LRRC26: variants seen among roughly 807,000 people sequenced by gnomAD.
LRRC26 encodes the protein leucine-rich repeat-containing protein 26.
In LRRC26, 17 loss-of-function variants were observed where a neutral mutation model predicts 15.3. The ratio of observed to expected loss-of-function variants is 1.11; its 90% CI spans 0.76 to 1.66. The LOEUF (loss-of-function observed/expected upper bound fraction) is 1.66, where lower values mean the gene tolerates loss of function less well. Ranked by LOEUF, LRRC26 falls within the 40% of genes most tolerant of loss-of-function variation. The pLI is 0.00. For missense variants in LRRC26, 573 were observed against 501.0 expected (o/e 1.14, Z -1.37); for synonymous variants, 301 against 272.1 (o/e 1.11, Z -1.05).
At position 137,169,120 on chromosome 9, in the gene LRRC26, C is replaced by A; in HGVS notation, c.739G>T (p.Asp247Tyr). The A allele has an allele frequency of 6.4e-7, 1 of 1,560,462 alleles. No homozygotes were observed. Residue 247 changes from aspartate (D) to tyrosine (Y), a missense_variant, in exon 2 of 2, where the codon GAC becomes TAC. Coordinates refer to ENST00000371542, the MANE Select transcript of LRRC26 (RefSeq NM_001013653.3). ...TGCGCGCAATGGCTAAAGGCGGCGT[C>A]GGAAAAGGCAGTCAGGGGGCTGAGC... ...LTLSPLTAFS[D>Y]AAFSHCAQPL...
At position 137,169,913 on chromosome 9, in the gene LRRC26, GC is replaced by G; in HGVS notation, c.30del (p.Pro11ArgfsTer59). The G allele has an allele frequency of 6.8e-7, 1 of 1,471,118 alleles. No homozygotes were observed. Among genetic ancestry groups the G allele is most frequent in the Non-Finnish European group, 8.9e-7 (1 of 1,120,942 alleles). 91.1% of individuals were successfully genotyped at this position (1,471,118 alleles called of 1,614,324 possible). A position where few individuals can be genotyped will look rare whatever the true frequency, so the allele number is the denominator to read the frequency against. ...AGCAGCAGCAACAGCAGCAGCAGCG[GC>G]CGAGGCCGCGACCAGGAAGGGCCCC... MRGPSWSRP[R>X]PLLLLLLLLS... On this transcript the variant is annotated frameshift_variant, in exon 1 of 2. Transcript: ENST00000371542. LOFTEE classifies it high-confidence loss of function.
In LRRC26 at chr9:137,169,111, A is replaced by T. The variant is rs1346671102; in HGVS notation, c.748T>A (p.Phe250Ile). The T allele has an allele frequency of 2.5e-5, 39 of 1,561,946 alleles. No individual in the cohort carries two copies. The highest frequency in any genetic ancestry group is 3.3e-5 in the Non-Finnish European group (38 of 1,160,512). Residue 250 changes from phenylalanine (F) to isoleucine (I), a missense_variant, in exon 2 of 2, where the codon TTT becomes ATT. Transcript: ENST00000371542. ...SPLTAFSDAA[F>I]SHCAQPLALR... ...GCGAGCGGCTGCGCGCAATGGCTAA[A>T]GGCGGCGTCGGAAAAGGCAGTCAGG...
rs776886155 is a variant in LRRC26, at chr9:137,168,960, G to A, written c.899C>T (p.Ala300Val). ...CRARRRRLRT[A>V]ALRPPRPPDP... ...TGGCGGTCTCGGCGGGCGGAGGGCG[G>A]CGGTGCGGAGGCGGCGGCGGCGCGC... The change falls in exon 2 of 2, where the codon GCC (alanine) becomes GTC (valine). Residue 300 changes from alanine to valine, a missense_variant. Coordinates refer to ENST00000371542, the MANE Select transcript of LRRC26 (RefSeq NM_001013653.3). The A allele has an allele frequency of 9.3e-6, 13 of 1,403,508 alleles. No individual in the cohort carries two copies. Among genetic ancestry groups the A allele is most frequent in the South Asian group, 1.6e-5 (1 of 64,394 alleles). 86.9% of individuals were successfully genotyped at this position (1,403,508 alleles called of 1,614,324 possible).
chr9:137,169,026 G>A lies in LRRC26; in HGVS notation c.833C>T (p.Ala278Val). The A allele has an allele frequency of 6.6e-7, 1 of 1,520,226 alleles. No homozygotes were observed. The highest frequency in any genetic ancestry group is 8.8e-7 in the Non-Finnish European group (1 of 1,140,924). The allele number at this position is 1,520,226 out of a possible 1,614,324, so 94.2% of individuals were successfully genotyped here. ...LGPASFLVSLASCLALGSGLT... is the reference protein window; with the variant it reads ...LGPASFLVSLVSCLALGSGLT... ...CCCAGAGCCCAGCGCCAGGCAGGAAGCCAGGCTGACGAGGAAGGAGGCCGG... is the reference window on the plus strand; with the variant it reads ...CCCAGAGCCCAGCGCCAGGCAGGAAACCAGGCTGACGAGGAAGGAGGCCGG... Residue 278 changes from alanine (A) to valine (V), a missense_variant, in exon 2 of 2, where the codon GCT becomes GTT. Coordinates refer to ENST00000371542, the MANE Select transcript of LRRC26 (RefSeq NM_001013653.3).
chr9:137,169,441 A>T lies in LRRC26; in HGVS notation c.503T>A (p.Leu168Gln). ...GTCCTGCAGGCTGAGTGAGCGCAGC[A>T]GCGGGAGCGCGCCTAGCGCCGCGGG... is the stretch of plus-strand genomic sequence containing the variant. ...LEPAALGALP[L>Q]LRSLSLQDNE... Residue 168 changes from leucine (L) to glutamine (Q), a missense_variant, in exon 1 of 2, where the codon CTG becomes CAG. Transcript: ENST00000371542. 1 of 1,516,488 alleles carries T rather than the reference A, an allele frequency of 6.6e-7. No homozygotes were observed. Among genetic ancestry groups the T allele is most frequent in the Non-Finnish European group, 8.8e-7 (1 of 1,141,380 alleles). The allele number at this position is 1,516,488 out of a possible 1,614,324, so 93.9% of individuals were successfully genotyped here. A position where few individuals can be genotyped will look rare whatever the true frequency, so the allele number is the denominator to read the frequency against.
In LRRC26 at chr9:137,169,526, C is replaced by G. The variant is rs1234850382; in HGVS notation, c.418G>C (p.Ala140Pro). 1 of 1,523,812 alleles carries G rather than the reference C, an allele frequency of 6.6e-7. No individual in the cohort carries two copies. Among genetic ancestry groups the G allele is most frequent in the African/African-American group, 1.4e-5 (1 of 70,480 alleles). 94.4% of individuals were successfully genotyped at this position (1,523,812 alleles called of 1,614,324 possible). The change falls in exon 1 of 2, where the codon GCG (alanine) becomes CCG (proline). Residue 140 changes from alanine (A) to proline (P), a missense_variant. Physicochemically the swap from Ala to Pro is conservative, Grantham distance 27 (BLOSUM62 -1). Coordinates refer to ENST00000371542, the MANE Select transcript of LRRC26 (RefSeq NM_001013653.3). ...AGGTTGCGCAGCGCGCGCAGCGGCG[C>G]GAAAGTCCCTGGTGCCAGTGCTTCC... ...QLEALAPGTF[A>P]PLRALRNLSL...
In LRRC26 at chr9:137,169,466, G is replaced by A. The variant is rs1269886518; in HGVS notation, c.478C>T (p.Pro160Ser). Residue 160 changes from proline to serine, a missense_variant, in exon 1 of 2, where the codon CCC (proline) becomes TCC (serine). By Grantham distance (74) the Pro-to-Ser change is moderately conservative (BLOSUM62 -1). Transcript: ENST00000371542. ...LAGNRLARLE[P>S]AALGALPLLR... ...AGCGGGAGCGCGCCTAGCGCCGCGGGCTCCAGGCGCGCCAGCCGGTTGCCG... is the reference window on the plus strand; with the variant it reads ...AGCGGGAGCGCGCCTAGCGCCGCGGACTCCAGGCGCGCCAGCCGGTTGCCG... The A allele has an allele frequency of 1.3e-6, 2 of 1,519,784 alleles. No individual in the cohort carries two copies. Among genetic ancestry groups the A allele is most frequent in the Admixed American group, 2.0e-5 (1 of 49,992 alleles). 94.1% of individuals were successfully genotyped at this position (1,519,784 alleles called of 1,614,324 possible). A position where few individuals can be genotyped will look rare whatever the true frequency, so the allele number is the denominator to read the frequency against.
Position 137,170,021 on chromosome 9 carries a change from A to AGCCCGTTCCTGCGGC in LRRC26, c.-93_-79dup, listed in dbSNP as rs1588750383. 4 of 1,347,892 alleles carry AGCCCGTTCCTGCGGC rather than the reference A, an allele frequency of 3.0e-6. No individual in the cohort carries two copies. In the East Asian group the frequency reaches 1.3e-4, roughly 42 times the overall value. 83.5% of individuals were successfully genotyped at this position (1,347,892 alleles called of 1,614,324 possible). A position where few individuals can be genotyped will look rare whatever the true frequency, so the allele number is the denominator to read the frequency against. On this transcript the variant is annotated 5_prime_UTR_variant, in exon 1 of 2. Transcript: ENST00000371542. ...CGTCCCTGGAGCCCGTCGTCCGCGG[A>AGCCCGTTCCTGCGGC]GCCCGTTCCTGCGGCGCCTGCACAA...
Position 137,169,151 on chromosome 9 carries a change from G to T in LRRC26, c.708C>A (p.Arg236=), listed in dbSNP as rs527785852. ...AGGCAGTCAGGGGGCTGAGCGTCAG[G>T]CGTCCCGGCCACACGCAGAGCACCG... ...AETVLCVWPG[R]LTLSPLTAFS... The change falls in exon 2 of 2, where the codon CGC becomes CGA. Residue 236 remains arginine, a synonymous_variant. Transcript: ENST00000371542. 6.5e-7 allele frequency: 1 copy of T among 1,537,404 alleles called. No homozygotes were observed. The highest frequency in any genetic ancestry group is 1.2e-5 in the South Asian group (1 of 83,642).
At position 137,169,317 on chromosome 9, in the gene LRRC26, C is replaced by T. The variant is rs1227071063; in HGVS notation, c.627G>A (p.Leu209=). 2.1e-6 allele frequency: 3 copies of T among 1,428,786 alleles called. No homozygotes were observed. Among genetic ancestry groups the T allele is most frequent in the Non-Finnish European group, 2.7e-6 (3 of 1,098,770 alleles). The allele number at this position is 1,428,786 out of a possible 1,614,324, so 88.5% of individuals were successfully genotyped here. A position where few individuals can be genotyped will look rare whatever the true frequency, so the allele number is the denominator to read the frequency against. ...RGNPWGCGCA[L]RPLCAWLRRH... ...GGCGCAGCCAGGCGCAGAGCGGGCG[C>T]AGCGCGCACCCGCAGCCCCAAGGGT... The change falls in exon 1 of 2, where the codon CTG becomes CTA. Residue 209 remains leucine, a synonymous_variant. Transcript: ENST00000371542.
Position 137,169,311 on chromosome 9 carries a change from C to G in LRRC26, c.633G>C (p.Pro211=), listed in dbSNP as rs779151224. 4 of 1,421,844 alleles carry G rather than the reference C, an allele frequency of 2.8e-6. No homozygotes were observed. The South Asian group carries it at 4.3e-5, about 15-fold the overall frequency. 88.1% of individuals were successfully genotyped at this position (1,421,844 alleles called of 1,614,324 possible). A position where few individuals can be genotyped will look rare whatever the true frequency, so the allele number is the denominator to read the frequency against. ...NPWGCGCALR[P]LCAWLRRHPL... is the part of the protein sequence containing the mutation. ...GGTGCCGGCGCAGCCAGGCGCAGAG[C>G]GGGCGCAGCGCGCACCCGCAGCCCC... Residue 211 remains proline (P), a synonymous_variant, in exon 1 of 2, where the codon CCG becomes CCC. Transcript: ENST00000371542.
chr9:137,169,305 G>GT lies in LRRC26; in HGVS notation c.638_639insA (p.Cys213Ter), dbSNP rs1288012681. 1 of 1,417,154 alleles carries GT rather than the reference G, an allele frequency of 7.1e-7. No homozygotes were observed. Among genetic ancestry groups the GT allele is most frequent in the East Asian group, 3.1e-5 (1 of 32,690 alleles). 87.8% of individuals were successfully genotyped at this position (1,417,154 alleles called of 1,614,324 possible). Reference protein sequence around the residue: ...WGCGCALRPLCAWLRRHPLPA... With the variant: ...WGCGCALRPL ...GCAGCGGGTGCCGGCGCAGCCAGGCGCAGAGCGGGCGCAGCGCGCACCCGC... is the reference window on the plus strand; with the variant it reads ...GCAGCGGGTGCCGGCGCAGCCAGGCGTCAGAGCGGGCGCAGCGCGCACCCGC... Residue 213 changes from cysteine to a stop codon, truncating the protein, a stop_gained and frameshift_variant, in exon 1 of 2, where the codon TGC becomes TGAC. Transcript: ENST00000371542. LOFTEE classifies it low-confidence loss of function (END_TRUNC).
Position 137,169,563 on chromosome 9 carries a change from G to A in LRRC26, c.381C>T (p.Ser127=), listed in dbSNP as rs541709447. 50 of 1,524,496 alleles carry A rather than the reference G, an allele frequency of 3.3e-5. No homozygotes were observed. The Admixed American group carries it at 7.6e-4, about 23-fold the overall frequency. 94.4% of individuals were successfully genotyped at this position (1,524,496 alleles called of 1,614,324 possible). ...GTGCCAGTGCTTCCAGCTGGTTGGCGCTCAGGTCCAGCAGCTGCAGCGCGC... is the reference window on the plus strand; with the variant it reads ...GTGCCAGTGCTTCCAGCTGGTTGGCACTCAGGTCCAGCAGCTGCAGCGCGC... The part of the protein sequence containing the change: ...GLGALQLLDL[S]ANQLEALAPG... Residue 127 remains serine (S), a synonymous_variant, in exon 1 of 2, where the codon AGC becomes AGT. Transcript: ENST00000371542.
In LRRC26 at chr9:137,168,917, G is replaced by T; in HGVS notation, c.942C>A (p.Pro314=). 7.5e-7 allele frequency: 1 copy of T among 1,333,732 alleles called. No individual in the cohort carries two copies. Among genetic ancestry groups the T allele is most frequent in the Non-Finnish European group, 9.5e-7 (1 of 1,049,030 alleles). The allele number at this position is 1,333,732 out of a possible 1,614,324, so 82.6% of individuals were successfully genotyped here. A position where few individuals can be genotyped will look rare whatever the true frequency, so the allele number is the denominator to read the frequency against. ...PPRPPDPNPD[P]DPHGCASPAD... Reference sequence around the variant, plus strand: ...CGGGCGAGGCACAGCCGTGGGGGTCGGGATCGGGGTTCGGGTCTGGCGGTC... The same window carrying T: ...CGGGCGAGGCACAGCCGTGGGGGTCTGGATCGGGGTTCGGGTCTGGCGGTC... Residue 314 remains proline (P), a synonymous_variant, in exon 2 of 2, where the codon CCC becomes CCA. Transcript: ENST00000371542.
Position 137,169,082 on chromosome 9 carries a change from C to T in LRRC26, c.777G>A (p.Leu259=), listed in dbSNP as rs768074159. The change falls in exon 2 of 2, where the codon CTG becomes CTA. Residue 259 remains leucine, a synonymous_variant. Transcript: ENST00000371542. ...AFSHCAQPLA[L]RDLAVVYTLG... ...GCGTGTAAACCACGGCCAGGTCCCGCAGGGCGAGCGGCTGCGCGCAATGGC... is the reference window on the plus strand; with the variant it reads ...GCGTGTAAACCACGGCCAGGTCCCGTAGGGCGAGCGGCTGCGCGCAATGGC... 9.6e-6 allele frequency: 15 copies of T among 1,559,772 alleles called. No individual in the cohort carries two copies. In the South Asian group the frequency reaches 1.6e-4, roughly 17 times the overall value.
chr9:137,170,013 G>C lies in LRRC26; in HGVS notation c.-70C>G. On this transcript the variant is annotated 5_prime_UTR_variant, in exon 1 of 2. Transcript: ENST00000371542. ...TGCCTGTGCGTCCCTGGAGCCCGTC[G>C]TCCGCGGAGCCCGTTCCTGCGGCGC... 7.4e-7 allele frequency: 1 copy of C among 1,358,018 alleles called. No individual in the cohort carries two copies. Among genetic ancestry groups the C allele is most frequent in the South Asian group, 1.7e-5 (1 of 57,822 alleles). 84.1% of individuals were successfully genotyped at this position (1,358,018 alleles called of 1,614,324 possible). A position where few individuals can be genotyped will look rare whatever the true frequency, so the allele number is the denominator to read the frequency against.
In LRRC26 at chr9:137,169,953, C is replaced by G. The variant is rs754541883; in HGVS notation, c.-10G>C. On this transcript the variant is annotated 5_prime_UTR_variant, in exon 1 of 2. Coordinates refer to ENST00000371542, the MANE Select transcript of LRRC26 (RefSeq NM_001013653.3). ...AGGAAGGGCCCCGCATGGGGGCAGC[C>G]CCCCCGCCCCCGGCACCCGCGGTGG... is the stretch of plus-strand genomic sequence containing the variant. 3 of 1,406,592 alleles carry G rather than the reference C, an allele frequency of 2.1e-6. No homozygotes were observed. Among genetic ancestry groups the G allele is most frequent in the South Asian group, 3.1e-5 (2 of 65,166 alleles). The allele number at this position is 1,406,592 out of a possible 1,614,324, so 87.1% of individuals were successfully genotyped here.
Position 137,169,575 on chromosome 9 carries a change from C to G in LRRC26, c.369G>C (p.Leu123=). 1 of 1,523,354 alleles carries G rather than the reference C, an allele frequency of 6.6e-7. No individual in the cohort carries two copies. The highest frequency in any genetic ancestry group is 1.2e-5 in the South Asian group (1 of 82,166). 94.4% of individuals were successfully genotyped at this position (1,523,354 alleles called of 1,614,324 possible). A position where few individuals can be genotyped will look rare whatever the true frequency, so the allele number is the denominator to read the frequency against. Reference sequence around the variant, plus strand: ...CCAGCTGGTTGGCGCTCAGGTCCAGCAGCTGCAGCGCGCCCAGGCCCCAGA... The same window carrying G: ...CCAGCTGGTTGGCGCTCAGGTCCAGGAGCTGCAGCGCGCCCAGGCCCCAGA... ...RAFWGLGALQ[L]LDLSANQLEA... Residue 123 remains leucine (L), a synonymous_variant, in exon 1 of 2, where the codon CTG becomes CTC. Coordinates refer to ENST00000371542, the MANE Select transcript of LRRC26 (RefSeq NM_001013653.3).
rs1473640032 is a variant in LRRC26 at position 137,169,625 on chromosome 9, G to A, written c.319C>T (p.Leu107=). ...LQRLDLRENG[L]HSVHVRAFWG... ...AAGGCTCGCACATGCACCGAGTGCA[G>A]CCCGTTCTCGCGCAGGTCCAGGCGC... The change falls in exon 1 of 2, where the codon CTG becomes TTG. Residue 107 remains leucine, a synonymous_variant. Transcript: ENST00000371542. 1 of 1,515,544 alleles carries A rather than the reference G, an allele frequency of 6.6e-7. No homozygotes were observed. Among genetic ancestry groups the A allele is most frequent in the Non-Finnish European group, 8.8e-7 (1 of 1,138,330 alleles). 93.9% of individuals were successfully genotyped at this position (1,515,544 alleles called of 1,614,324 possible). A position where few individuals can be genotyped will look rare whatever the true frequency, so the allele number is the denominator to read the frequency against.
Sources: gnomAD v4.1 joint callset for allele counts on GRCh38, gnomAD v4.1.1 for gene constraint, MANE v1.5 for transcripts, NCBI Gene and HGNC (gene_info 2026-07-23, HGNC 2026-07-21) for gene names.